Variants in RAB38 observed in about 807,000 individuals in gnomAD.
RAB38 encodes the protein RAB38, member RAS oncogene family, also known as ras-related protein Rab-38.
RAB38 carries 15 observed loss-of-function variants against 18.4 expected under a neutral mutation model. The ratio of observed to expected loss-of-function variants is 0.82; its 90% confidence interval spans 0.55 to 1.26. RAB38 has a LOEUF of 1.26. Among genes scored for constraint, RAB38 ranks in the 50% most tolerant of loss-of-function variants. RAB38 has a pLI of 0.00. For missense variants in RAB38, 294 were observed against 267.4 expected (o/e 1.10, Z -0.69); for synonymous variants, 101 against 104.4 (o/e 0.97, Z 0.20).
the RAB38 span, among the ~76,000 whole-genome samples, chr11:88,047,500 T>C: frequency 1.3e-5 from 2 of 152,226 alleles, no homozygotes; most frequent in Non-Finnish European, 2.9e-5. Context: ...GCTGAACTCA[T>C]TGCCTTAAGT....
chr11:87,954,202 C>T, the RAB38 span, among the ~76,000 whole-genome samples: 7 of 152,058 alleles, frequency 4.6e-5, no homozygotes, highest in African/African-American at 1.4e-4. Flanking sequence ...TTCTGGATCC[C>T]CTTCCTTTGA....
the RAB38 span, among the ~76,000 whole-genome samples, chr11:87,850,864 CACTT>C: frequency 6.6e-6 from 1 of 152,148 alleles, no homozygotes; most frequent in Non-Finnish European, 1.5e-5. Flanking sequence ...TTCTTTAACT[CACTT>C]ACTTAGCAGA....
At chr11:88,043,301 A>T in the RAB38 span, among the ~76,000 whole-genome samples, 1 of 152,266 alleles carries the variant, frequency 6.6e-6, no homozygotes, top group Admixed American at 6.5e-5. Flanking sequence ...TGACAGGCAA[A>T]ATAAGGTGCT....
chr11:87,858,306 T>C, the RAB38 span, among the ~76,000 whole-genome samples: 6 of 152,196 alleles, frequency 3.9e-5, no homozygotes, highest in South Asian at 8.3e-4. Flanking sequence ...ACCAGAACCT[T>C]TGGACTCACG....
chr11:87,888,326 T>C, the RAB38 span, among the ~76,000 whole-genome samples: 1 of 151,866 alleles, frequency 6.6e-6, no homozygotes, highest in Non-Finnish European at 1.5e-5. Flanking sequence ...TGGAAAAAAA[T>C]GTGTCTTGGA....
the RAB38 span, among the ~76,000 whole-genome samples, chr11:87,818,118 G>A: frequency 6.6e-6 from 1 of 152,156 alleles, no homozygotes; most frequent in Non-Finnish European, 1.5e-5. Context: ...AGATAGCCGG[G>A]AGCTCCATTT....
chr11:87,879,611 C>A, the RAB38 span: 1 of 151,628 alleles, frequency 6.6e-6, no homozygotes, highest in Admixed American at 6.6e-5. Context: ...CGTGGAGCAA[C>A]CTCTATGCTC....
the RAB38 span, among the ~76,000 whole-genome samples, chr11:88,053,799 T>A: frequency 6.6e-6 from 1 of 151,858 alleles, no homozygotes; most frequent in East Asian, 1.9e-4. Context: ...AGCTTTTTTT[T>A]TTTTTTTATT....
the RAB38 span, among the ~76,000 whole-genome samples, chr11:88,009,186 G>A: frequency 1.3e-5 from 2 of 152,236 alleles, no homozygotes; most frequent in East Asian, 3.9e-4. Flanking sequence ...AAGCTTGACA[G>A]AAATGGAACA....
the RAB38 span, among the ~76,000 whole-genome samples, chr11:88,029,034 G>A: frequency 1.3e-5 from 2 of 152,110 alleles, no homozygotes; most frequent in African/African-American, 4.8e-5. Context: ...GGATCTCTCG[G>A]CAGAAACTCT....
chr11:88,165,205 C>T (rs7125260), intron 1 of RAB38, among the ~76,000 whole-genome samples: 37,860 of 151,972 alleles, frequency 0.25, 4,753 homozygotes, highest in Admixed American at 0.27. Context: ...TATAATGCAT[C>T]AGGAAACAGT....
the RAB38 span, among the ~76,000 whole-genome samples, chr11:87,893,392 T>TATATATATATATATATATATA: frequency 1.4e-4 from 1 of 7,106 alleles, no homozygotes; most frequent in African/African-American, 1.9e-4. Context: ...ATATATATAT[T>TATATATATATATATATATATA]TTTTTTTTAC....
the RAB38 span, among the ~76,000 whole-genome samples, chr11:87,818,696 T>TA: frequency 1.3e-5 from 2 of 152,148 alleles, no homozygotes; most frequent in Non-Finnish European, 2.9e-5. Context: ...CTAGTTTTTT[T>TA]AAAAAAATTT....
At chr11:88,155,067 G>A (rs904935738) in intron 1 of RAB38, among the ~76,000 whole-genome samples, 1 of 152,182 alleles carries the variant, frequency 6.6e-6, no homozygotes, top group Non-Finnish European at 1.5e-5. Context: ...ATGCAGTTGC[G>A]GCTGAAGAGA....
the RAB38 span, among the ~76,000 whole-genome samples, chr11:88,020,369 T>C: frequency 6.6e-6 from 1 of 152,174 alleles, no homozygotes; most frequent in African/African-American, 2.4e-5. Context: ...GGTCATTATA[T>C]AATGATAAAG....
the RAB38 span, among the ~76,000 whole-genome samples, chr11:87,969,811 G>A: frequency 6.6e-6 from 1 of 152,144 alleles, no homozygotes; most frequent in East Asian, 1.9e-4. Flanking sequence ...TTTAGAATTG[G>A]CAATTTTGTT....
At chr11:88,095,102 C>G in the RAB38 span, among the ~76,000 whole-genome samples, 1 of 151,826 alleles carries the variant, frequency 6.6e-6, no homozygotes, top group Admixed American at 6.6e-5. Flanking sequence ...TTTTTCACCT[C>G]CCTTCCCCAG....
the RAB38 span, among the ~76,000 whole-genome samples, chr11:88,087,467 T>C: frequency 1.3e-5 from 2 of 151,952 alleles, no homozygotes; most frequent in Non-Finnish European, 2.9e-5. Context: ...GGAGGGTTCT[T>C]GGTTTTGCCT....
the RAB38 span, among the ~76,000 whole-genome samples, chr11:88,074,213 C>T: frequency 6.6e-6 from 1 of 152,066 alleles, no homozygotes; most frequent in Admixed American, 6.5e-5. Flanking sequence ...TTATAAAGCT[C>T]AATGTTAAAA....
Sources: allele counts gnomAD v4.1 joint callset (sites outside exome capture counted in the v4.1 genomes callset), GRCh38; gene constraint gnomAD v4.1.1; transcripts MANE v1.5; gene names NCBI Gene and HGNC (gene_info 2026-07-23, HGNC 2026-07-21).